Variants in ENTREP2 observed in about 807,000 individuals in gnomAD.
ENTREP2 encodes protein ENTREP2.
chr15:29,571,433 C>T, the ENTREP2 span, among the ~76,000 whole-genome samples: 1 of 150,710 alleles, frequency 6.6e-6, no homozygotes, highest in East Asian at 1.9e-4. Context: ...AGCGCTGGGC[C>T]GCAGGTGTGG....
At chr15:29,624,871 T>TTGTGTGTGTGTGTGTGTG in the ENTREP2 span, among the ~76,000 whole-genome samples, 1 of 143,624 alleles carries the variant, frequency 7.0e-6, no homozygotes, top group Non-Finnish European at 1.5e-5. Flanking sequence ...CTGCATTAAT[T>TTGTGTGTGTGTGTGTGTG]TGTGTGTGTG....
At chr15:29,219,616 TATATA>T in the ENTREP2 span, among the ~76,000 whole-genome samples, 1 of 10,124 alleles carries the variant, frequency 9.9e-5, no homozygotes, top group African/African-American at 3.1e-4. Context: ...GGTGCATAAA[TATATA>T]TATATATATA....
the ENTREP2 span, among the ~76,000 whole-genome samples, chr15:29,126,854 G>C: frequency 6.6e-6 from 1 of 152,184 alleles, no homozygotes; most frequent in Non-Finnish European, 1.5e-5. Flanking sequence ...GTCGCGGCAG[G>C]CCAGATCTCA....
At chr15:29,414,139 C>G in the ENTREP2 span, among the ~76,000 whole-genome samples, 1 of 152,126 alleles carries the variant, frequency 6.6e-6, no homozygotes, top group Admixed American at 6.6e-5. Flanking sequence ...CAGCTCTGCA[C>G]CAAGCGGACC....
At chr15:29,517,216 T>C in the ENTREP2 span, among the ~76,000 whole-genome samples, 4 of 152,128 alleles carry the variant, frequency 2.6e-5, no homozygotes, top group Non-Finnish European at 2.9e-5. Flanking sequence ...TGCAACAATC[T>C]AGCCACGGGA....
chr15:29,355,580 G>A, the ENTREP2 span, among the ~76,000 whole-genome samples: 6 of 151,860 alleles, frequency 4.0e-5, no homozygotes, highest in Admixed American at 6.6e-5. Flanking sequence ...TTCCAGAGAA[G>A]AGCCCAGAAC....
the ENTREP2 span, among the ~76,000 whole-genome samples, chr15:29,155,226 G>A: frequency 6.6e-5 from 10 of 150,544 alleles, no homozygotes; most frequent in Non-Finnish European, 1.5e-4. Context: ...AGCTTGCAGT[G>A]AGCCAAGATC....
chr15:29,618,422 CAAAAAAAA>C, the ENTREP2 span, among the ~76,000 whole-genome samples: 1 of 80,226 alleles, frequency 1.2e-5, no homozygotes, highest in African/African-American at 4.6e-5. Flanking sequence ...GACTCTGTCT[CAAAAAAAA>C]AAAAAAAAAA....
the ENTREP2 span, among the ~76,000 whole-genome samples, chr15:29,588,798 G>A: frequency 6.6e-6 from 1 of 151,686 alleles, no homozygotes; most frequent in Non-Finnish European, 1.5e-5. Context: ...AGAGTTCTGG[G>A]CAACATAATG....
At chr15:29,608,405 G>A in the ENTREP2 span, among the ~76,000 whole-genome samples, 1 of 151,810 alleles carries the variant, frequency 6.6e-6, no homozygotes, top group African/African-American at 2.4e-5. Flanking sequence ...TCCTTGTCTT[G>A]CTCAATTTTG....
the ENTREP2 span, among the ~76,000 whole-genome samples, chr15:29,454,626 T>A: frequency 6.6e-6 from 1 of 152,144 alleles, no homozygotes; most frequent in Admixed American, 6.5e-5. Flanking sequence ...ATGGCCCCAA[T>A]GCCCCCCACC....
At chr15:29,499,737 T>A in the ENTREP2 span, among the ~76,000 whole-genome samples, 1 of 152,162 alleles carries the variant, frequency 6.6e-6, no homozygotes, top group Non-Finnish European at 1.5e-5. Flanking sequence ...GAAGTGTAAG[T>A]AAATTCTTCC....
At chr15:29,208,020 G>GC in the ENTREP2 span, among the ~76,000 whole-genome samples, 1 of 152,122 alleles carries the variant, frequency 6.6e-6, no homozygotes, top group Non-Finnish European at 1.5e-5. Flanking sequence ...CTAGCCTGTA[G>GC]CCCCCCTGTC....
At chr15:29,268,682 A>G in the ENTREP2 span, 2 of 1,068,540 alleles carry the variant, frequency 1.9e-6, no homozygotes, top group Non-Finnish European at 2.7e-6. Flanking sequence ...CACACATTGA[A>G]GCGTTTACAG....
chr15:29,398,030 T>C, the ENTREP2 span, among the ~76,000 whole-genome samples: 5 of 151,788 alleles, frequency 3.3e-5, no homozygotes, highest in East Asian at 1.9e-4. Context: ...CATTATTTAT[T>C]TGGCAAAAGT....
At chr15:29,190,359 TAA>T in the ENTREP2 span, among the ~76,000 whole-genome samples, 1 of 140,258 alleles carries the variant, frequency 7.1e-6, no homozygotes. Context: ...GGTTCTCTGC[TAA>T]AAAAAAAAAA....
chr15:29,421,728 C>T, the ENTREP2 span, among the ~76,000 whole-genome samples: 5 of 152,276 alleles, frequency 3.3e-5, no homozygotes, highest in African/African-American at 1.2e-4. Context: ...TTACATTTAA[C>T]TTCTTTTAAT....
At chr15:29,154,318 T>TA in the ENTREP2 span, among the ~76,000 whole-genome samples, 1 of 152,090 alleles carries the variant, frequency 6.6e-6, no homozygotes, top group East Asian at 1.9e-4. Context: ...GCATTATAAA[T>TA]AAAAATATAA....
At chr15:29,649,372 G>A in the ENTREP2 span, among the ~76,000 whole-genome samples, 2 of 152,070 alleles carry the variant, frequency 1.3e-5, no homozygotes, top group Admixed American at 1.3e-4. Context: ...AACATGAATA[G>A]ATTTTTTTAC....
Sources: gnomAD v4.1 joint callset for allele counts (sites outside exome capture counted in the v4.1 genomes callset) on GRCh38, gnomAD v4.1.1 for gene constraint, MANE v1.5 for transcripts, NCBI Gene and HGNC (gene_info 2026-07-23, HGNC 2026-07-21) for gene names.